The following ZNF8 variants were observed in gnomAD, a reference collection of about 807,000 sequenced individuals.
The protein encoded by ZNF8 is zinc finger protein 8, also known as zinc finger protein 272.
ZNF8 carries 9 observed loss-of-function variants against 12.2 expected under a neutral mutation model. That is an observed-to-expected ratio of 0.73 (90% CI 0.44 to 1.28). The LOEUF is 1.28. Ranked by LOEUF, ZNF8 falls within the 50% of genes most tolerant of loss-of-function variation. The pLI, the probability that ZNF8 is intolerant of heterozygous loss-of-function variation, is 0.00. For missense variants in ZNF8, 664 were observed against 729.1 expected, an observed-to-expected ratio of 0.91 and a Z score of 1.03; for synonymous variants, 274 against 282.3, an observed-to-expected ratio of 0.97 and a Z score of 0.30.
At chr19:58,292,869 A>G (rs753728467) in intron 3 of ZNF8, among the ~76,000 whole-genome samples, 5 of 151,518 alleles carry the variant, frequency 3.3e-5, no homozygotes, top group Non-Finnish European at 7.4e-5. Context: ...TAATAGTGCC[A>G]CTATGAACAT....
chr19:58,294,147 G>C lies in ZNF8; in HGVS notation c.339G>C (p.Leu113=). The change falls in exon 4 of 4, where the codon CTG becomes CTC. Residue 113 remains leucine, a synonymous_variant. Transcript: ENST00000621650. The surrounding 1 kb of genome is among the most constrained non-coding windows in gnomAD (Gnocchi z 5.5). ...ESQASRKEEG[L]PEEEPSHVTG... is the part of the protein sequence containing the mutation. ...AAGCATCACGCAAGGAAGAGGGCCTGCCTGAAGAGGAGCCATCCCATGTCA... is the reference window on the plus strand; with the variant it reads ...AAGCATCACGCAAGGAAGAGGGCCTCCCTGAAGAGGAGCCATCCCATGTCA... 1 of 1,612,984 alleles carries C rather than the reference G, an allele frequency of 6.2e-7. No individual in the cohort carries two copies. The highest frequency in any genetic ancestry group is 1.1e-5 in the South Asian group (1 of 91,068).
intron 3 of ZNF8, among the ~76,000 whole-genome samples, chr19:58,293,022 CACTGCA>C (rs1190954761): frequency 3.3e-5 from 5 of 151,374 alleles, no homozygotes; most frequent in Non-Finnish European, 7.4e-5. Context: ...GATTTTGGCT[CACTGCA>C]ACCTTCGCCT....
At chr19:58,284,652 C>A (rs2147954984) in intron 1 of ZNF8, among the ~76,000 whole-genome samples, 1 of 152,278 alleles carries the variant, frequency 6.6e-6, no homozygotes, top group South Asian at 2.1e-4. Context: ...GGTTCGAGAC[C>A]AACCTGGCCA....
At chr19:58,287,853 C>CTTTTTTTTTTTTTTTTTT (rs2051393597) in intron 3 of ZNF8, among the ~76,000 whole-genome samples, 1 of 116,262 alleles carries the variant, frequency 8.6e-6, no homozygotes, top group African/African-American at 3.2e-5. Context: ...CTTTTTTTTT[C>CTTTTTTTTTTTTTTTTTT]TTTCTTTCTT....
rs138339802 is a variant in ZNF8 at position 58,295,990 on chromosome 19, T to C, written c.*454T>C. On this transcript the variant is annotated 3_prime_UTR_variant, in exon 4 of 4. Transcript: ENST00000621650. ...TTGTGGACTGGTAGAGGGTATGATGTTGACCATGGCAATACTGTGAGGGGC... is the reference window on the plus strand; with the variant it reads ...TTGTGGACTGGTAGAGGGTATGATGCTGACCATGGCAATACTGTGAGGGGC... The C allele has an allele frequency of 1.8e-3, 285 of 160,466 alleles. 1 individual carries two copies. The highest frequency in any genetic ancestry group is 6.4e-3 in the African/African-American group (265 of 41,680). 9.9% of individuals were successfully genotyped at this position (160,466 alleles called of 1,614,324 possible). A position where few individuals can be genotyped will look rare whatever the true frequency, so the allele number is the denominator to read the frequency against.
intron 1 of ZNF8, among the ~76,000 whole-genome samples, chr19:58,281,934 G>A (rs934997220): frequency 2.0e-4 from 31 of 152,158 alleles, no homozygotes; most frequent in Middle Eastern, 3.4e-3. Flanking sequence ...CCAACGTGGT[G>A]CAACCCCATC....
intron 3 of ZNF8, among the ~76,000 whole-genome samples, chr19:58,292,773 A>C (rs899047065): frequency 6.6e-6 from 1 of 152,184 alleles, no homozygotes; most frequent in African/African-American, 2.4e-5. Context: ...TTGTGGCTGC[A>C]TAATATCCCG....
Position 58,294,203 on chromosome 19 carries a change from C to A in ZNF8, c.395C>A (p.Pro132His), listed in dbSNP as rs1285911840. 1 of 1,614,196 alleles carries A rather than the reference C, an allele frequency of 6.2e-7. No homozygotes were observed. The highest frequency in any genetic ancestry group is 2.2e-5 in the East Asian group (1 of 44,882). ...TGREGFPTDAPYPTTLGKDRE... is the reference protein window; with the variant it reads ...TGREGFPTDAHYPTTLGKDRE... ...AGGGAAGGATTCCCGACAGATGCTC[C>A]TTATCCCACCACGTTAGGGAAAGAC... The change falls in exon 4 of 4, where the codon CCT (proline) becomes CAT (histidine). Residue 132 changes from proline (P) to histidine (H), a missense_variant. Pro to His is a moderately conservative substitution (Grantham distance 77, BLOSUM62 -2). Coordinates refer to ENST00000621650, the MANE Select transcript of ZNF8 (RefSeq NM_021089.3). The surrounding 1 kb of genome is among the most constrained non-coding windows in gnomAD (Gnocchi z 5.5).
At chr19:58,282,602 A>G (rs2147953875) in intron 1 of ZNF8, among the ~76,000 whole-genome samples, 1 of 152,070 alleles carries the variant, frequency 6.6e-6, no homozygotes, top group Non-Finnish European at 1.5e-5. Flanking sequence ...AGAGTTTTAT[A>G]GTTTTAGCTC....
chr19:58,293,759 C>G (rs959792506), intron 3 of ZNF8, among the ~76,000 whole-genome samples: 2 of 152,176 alleles, frequency 1.3e-5, no homozygotes, highest in African/African-American at 2.4e-5. Context: ...CAGAACCTCC[C>G]GAAGAGAAAC....
chr19:58,281,797 A>G (rs2147953389), intron 1 of ZNF8, among the ~76,000 whole-genome samples: 2 of 152,250 alleles, frequency 1.3e-5, no homozygotes, highest in South Asian at 4.1e-4. Flanking sequence ...GTTTTTCTTA[A>G]AAGGAAATGT....
Position 58,299,803 on chromosome 19 carries a change from G to C in ZNF8, c.*4267G>C, listed in dbSNP as rs900032289. On this transcript the variant is annotated 3_prime_UTR_variant, in exon 4 of 4. Transcript: ENST00000621650. ...AAAAGAACTTCCCGTGTCCGTTTTT[G>C]CTTTTTGGATGCTGGGAGTGTCACA... The C allele has an allele frequency of 1.3e-5, 2 of 152,058 alleles. No individual in the cohort carries two copies. The highest frequency in any genetic ancestry group is 2.9e-5 in the Non-Finnish European group (2 of 68,018). The allele number at this position is 152,058 out of a possible 1,614,324, so 9.4% of individuals were successfully genotyped here. A position where few individuals can be genotyped will look rare whatever the true frequency, so the allele number is the denominator to read the frequency against.
At chr19:58,284,048 C>A (rs1446230396) in intron 1 of ZNF8, among the ~76,000 whole-genome samples, 2 of 151,960 alleles carry the variant, frequency 1.3e-5, no homozygotes, top group Non-Finnish European at 2.9e-5. Flanking sequence ...CATGGAGAAA[C>A]CCTGTCTCTA....
chr19:58,283,975 G>A (rs1051979401), intron 1 of ZNF8, among the ~76,000 whole-genome samples: 1 of 152,050 alleles, frequency 6.6e-6, no homozygotes, highest in Non-Finnish European at 1.5e-5. Context: ...AAATTACTTC[G>A]TCCTTAGGAG....
Position 58,285,749 on chromosome 19 carries a change from CTT to C in ZNF8, c.101_102del (p.Phe34TyrfsTer18). 6.2e-7 allele frequency: 1 copy of C among 1,614,190 alleles called. No homozygotes were observed. The highest frequency in any genetic ancestry group is 8.5e-7 in the Non-Finnish European group (1 of 1,180,040). The stretch of plus-strand genomic sequence containing the variant: ...TGACCTTCCGGGATGTGGCTGTGGA[CTT>C]TACCCAGGAGGAATGGGGGCAGCTG... Reference protein sequence around the residue: ...PVTFRDVAVDFTQEEWGQLDP... With the variant: ...PVTFRDVAVDXTQEEWGQLDP... On this transcript the variant is annotated frameshift_variant, in exon 2 of 4. Coordinates refer to ENST00000621650, the MANE Select transcript of ZNF8 (RefSeq NM_021089.3). LOFTEE classifies it high-confidence loss of function.
rs148192372 is a variant in ZNF8 at position 58,286,195 on chromosome 19, C to T, written c.279C>T (p.Gly93=). The T allele has an allele frequency of 1.2e-4, 185 of 1,598,000 alleles. No homozygotes were observed. The highest frequency in any genetic ancestry group is 1.5e-4 in the Non-Finnish European group (181 of 1,173,984). ...LWVAERGTTQ[G]CHPAWEPRSE... ...TGGCTGAGAGAGGAACCACCCAGGG[C>T]TGCCATCCAGGTGAGAACCCACTAT... Residue 93 remains glycine (G), a synonymous_variant, in exon 3 of 4, where the codon GGC becomes GGT. Coordinates refer to ENST00000621650, the MANE Select transcript of ZNF8 (RefSeq NM_021089.3).
At chr19:58,287,325 C>T (rs2147956469) in intron 3 of ZNF8, among the ~76,000 whole-genome samples, 1 of 149,730 alleles carries the variant, frequency 6.7e-6, no homozygotes, top group South Asian at 2.1e-4. Context: ...AGGCGTGAGC[C>T]ACCATGCCCA....
chr19:58,290,995 CT>C (rs1421189010), intron 3 of ZNF8, among the ~76,000 whole-genome samples: 1 of 152,170 alleles, frequency 6.6e-6, no homozygotes, highest in Non-Finnish European at 1.5e-5. Flanking sequence ...TGCCACTGCA[CT>C]TCAGTCTGGG....
intron 3 of ZNF8, among the ~76,000 whole-genome samples, chr19:58,293,004 A>G (rs1393702898): frequency 6.6e-6 from 1 of 150,958 alleles, no homozygotes; most frequent in Non-Finnish European, 1.5e-5. Flanking sequence ...GCGGGAGTGC[A>G]GTGGTGTGAT....
Sources: allele counts gnomAD v4.1 joint callset (sites outside exome capture counted in the v4.1 genomes callset), GRCh38; gene constraint gnomAD v4.1.1; non-coding constraint Gnocchi (gnomAD v3.1); transcripts MANE v1.5; gene names NCBI Gene and HGNC (gene_info 2026-07-23, HGNC 2026-07-21).